Variants in BACE2 observed in about 807,000 individuals in gnomAD.
BACE2 encodes 56 kDa aspartic-like protease.
BACE2 carries 17 observed loss-of-function variants against 46.2 expected under a neutral mutation model. The observed-to-expected ratio is 0.37, with a 90% CI of 0.25 to 0.55. BACE2 has a LOEUF of 0.55. BACE2 is among the 20% of genes least tolerant of loss of function. The pLI, the probability that BACE2 is intolerant of heterozygous loss-of-function variation, is 0.82. For synonymous variants in BACE2, 277 were observed against 295.9 expected, an observed-to-expected ratio of 0.94 and a Z score of 0.66; for missense variants, 595 against 698.1, an observed-to-expected ratio of 0.85 and a Z score of 1.66.
chr21:41,273,684 T>C (rs1473411995), intron 8 of BACE2, among the ~76,000 whole-genome samples: 1 of 152,158 alleles, frequency 6.6e-6, no homozygotes, highest in Non-Finnish European at 1.5e-5. Flanking sequence ...TGAGGTGGCA[T>C]ACATTCTCAG....
At chr21:41,233,312 T>C (rs781525683) in intron 2 of BACE2, among the ~76,000 whole-genome samples, 1 of 152,232 alleles carries the variant, frequency 6.6e-6, no homozygotes, top group African/African-American at 2.4e-5. Context: ...CGAGGGATGG[T>C]ATTATATTAT....
chr21:41,199,317 C>T (rs1985866544), intron 1 of BACE2, among the ~76,000 whole-genome samples: 1 of 152,062 alleles, frequency 6.6e-6, no homozygotes, highest in Non-Finnish European at 1.5e-5. Flanking sequence ...CCTACCCTCC[C>T]TCCCTGCCTC....
intron 1 of BACE2, among the ~76,000 whole-genome samples, chr21:41,197,195 A>G (rs1985765591): frequency 6.6e-6 from 1 of 151,594 alleles, no homozygotes; most frequent in African/African-American, 2.4e-5. Context: ...TTCAGAGCTT[A>G]AGGATCCTCC....
chr21:41,220,368 C>T (rs1252416123), intron 1 of BACE2, among the ~76,000 whole-genome samples: 1 of 152,158 alleles, frequency 6.6e-6, no homozygotes, highest in Admixed American at 6.5e-5. Flanking sequence ...CTCCCCACTC[C>T]CCAAGGTTGG....
chr21:41,248,900 T>C (rs1987554305), intron 6 of BACE2, among the ~76,000 whole-genome samples: 1 of 152,204 alleles, frequency 6.6e-6, no homozygotes, highest in African/African-American at 2.4e-5. Context: ...TTGGTTTCTA[T>C]AAGACTCTTC....
chr21:41,257,450 C>A, intron 8 of BACE2, 124 bp downstream of exon 8: 1 of 1,117,404 alleles, frequency 8.9e-7, no homozygotes, highest in Non-Finnish European at 1.3e-6. Context: ...TTCCTATCAC[C>A]AGTGATCAAA....
At chr21:41,251,799 C>G (rs780841920) in intron 7 of BACE2, among the ~76,000 whole-genome samples, 1 of 147,882 alleles carries the variant, frequency 6.8e-6, no homozygotes, top group Non-Finnish European at 1.5e-5. Flanking sequence ...GACTCTGTCT[C>G]AGAAAAAAAA....
intron 1 of BACE2, among the ~76,000 whole-genome samples, chr21:41,211,604 G>A (rs956157789): frequency 4.6e-5 from 7 of 152,370 alleles, no homozygotes; most frequent in East Asian, 1.9e-4. Context: ...AAACAGCCCC[G>A]CGTGGCTGGG....
chr21:41,216,636 C>T (rs1379922359), intron 1 of BACE2, among the ~76,000 whole-genome samples: 3 of 152,204 alleles, frequency 2.0e-5, no homozygotes, highest in Non-Finnish European at 4.4e-5. Flanking sequence ...GCAGAGGCTG[C>T]GGTGGAGCTT....
chr21:41,180,024 C>T (rs564920179), intron 1 of BACE2: 222 of 324,252 alleles, frequency 6.8e-4, no homozygotes, highest in Non-Finnish European at 1.2e-3. Context: ...GCAGCAGAGG[C>T]GCTGCTCCTT....
At chr21:41,238,613 C>T (rs1363424000) in intron 3 of BACE2, among the ~76,000 whole-genome samples, 1 of 151,986 alleles carries the variant, frequency 6.6e-6, no homozygotes, top group African/African-American at 2.4e-5. Context: ...CCATGGAATA[C>T]TATGCAGCCA....
intron 1 of BACE2, among the ~76,000 whole-genome samples, chr21:41,172,400 G>A (rs551132669): frequency 2.0e-5 from 3 of 152,336 alleles, no homozygotes; most frequent in South Asian, 2.1e-4. Flanking sequence ...AGCCCTGTGC[G>A]TGGCTCACCT....
At chr21:41,249,738 C>T (rs1246452502) in intron 6 of BACE2, among the ~76,000 whole-genome samples, 3 of 152,162 alleles carry the variant, frequency 2.0e-5, no homozygotes, top group Non-Finnish European at 4.4e-5. Flanking sequence ...CTGCCCCACG[C>T]GGGACCCTGC....
At chr21:41,239,145 G>C (rs949703174) in intron 3 of BACE2, among the ~76,000 whole-genome samples, 3 of 150,880 alleles carry the variant, frequency 2.0e-5, no homozygotes, top group African/African-American at 7.3e-5. Context: ...TCTTCCCATC[G>C]TGGAAGAACA....
At chr21:41,235,538 T>C (rs1324725014) in intron 2 of BACE2, among the ~76,000 whole-genome samples, 1 of 152,176 alleles carries the variant, frequency 6.6e-6, no homozygotes, top group Non-Finnish European at 1.5e-5. Context: ...ATACCAAGAA[T>C]GAGTTAATGA....
chr21:41,207,442 C>T (rs1008578426), intron 1 of BACE2, among the ~76,000 whole-genome samples: 3 of 152,144 alleles, frequency 2.0e-5, no homozygotes, highest in Non-Finnish European at 2.9e-5. Flanking sequence ...TCAGTGAATG[C>T]GCTCACACAT....
chr21:41,220,412 G>A lies in BACE2; in HGVS notation c.313-5854G>A, dbSNP rs181684772. ...CTGAAAGTCCCAGTCCTCTAATCCC[G>A]CCTTGCTCTTTCTGGTGACCAGCCC... is the stretch of plus-strand genomic sequence containing the variant. On this transcript the variant is annotated intron_variant, in intron 1 of 8. Transcript: ENST00000330333. Among the ~76,000 whole-genome samples, 152 of 152,224 alleles carry A rather than the reference G, an allele frequency of 1.0e-3. 1 individual carries two copies. The highest frequency in any genetic ancestry group is 1.8e-3 in the Non-Finnish European group (120 of 68,022).
chr21:41,211,164 C>T (rs1190066429), intron 1 of BACE2, among the ~76,000 whole-genome samples: 1 of 151,296 alleles, frequency 6.6e-6, no homozygotes, highest in African/African-American at 2.4e-5. Context: ...ATCCCCATTC[C>T]CCCCTCCCCA....
At chr21:41,209,470 G>T (rs1986231725) in intron 1 of BACE2, among the ~76,000 whole-genome samples, 1 of 152,208 alleles carries the variant, frequency 6.6e-6, no homozygotes, top group Non-Finnish European at 1.5e-5. Context: ...CAGAGATAAG[G>T]AATGCCAGTC....
Sources: allele counts gnomAD v4.1 joint callset (sites outside exome capture counted in the v4.1 genomes callset), GRCh38; gene constraint gnomAD v4.1.1; transcripts MANE v1.5; gene names NCBI Gene and HGNC (gene_info 2026-07-23, HGNC 2026-07-21).